Variants in PALLD observed in about 807,000 individuals in gnomAD.
PALLD encodes palladin, cytoskeletal associated protein, also known as palladin.
PALLD carries 61 observed loss-of-function variants against 123.5 expected under a neutral mutation model. The ratio of observed to expected loss-of-function variants is 0.49; its 90% CI spans 0.40 to 0.61. PALLD has a LOEUF of 0.61. Among genes scored for constraint, PALLD ranks in the 20% least tolerant of loss-of-function variants. The pLI is 0.00. For synonymous variants in PALLD, 465 were observed against 496.4 expected (o/e 0.94, Z 0.84); for missense variants, 1,273 against 1,377.0 (o/e 0.92, Z 1.20).
chr4:168,771,062 C>CAA (rs762596273), intron 10 of PALLD, among the ~76,000 whole-genome samples: 9 of 55,226 alleles, frequency 1.6e-4, no homozygotes, highest in African/African-American at 5.3e-4. Context: ...GACTCCATCT[C>CAA]AAAAAAAAAA....
chr4:168,647,932 T>A (rs1777639182), intron 2 of PALLD: 1 of 152,164 alleles, frequency 6.6e-6, no homozygotes, highest in African/African-American at 2.4e-5. Context: ...AACATTTTTT[T>A]AAAGAATTAA....
At chr4:168,532,069 T>A (rs1412180723) in intron 2 of PALLD, among the ~76,000 whole-genome samples, 1 of 152,206 alleles carries the variant, frequency 6.6e-6, no homozygotes, top group East Asian at 1.9e-4. Context: ...TTATTTTTCC[T>A]GATCCTCTGC....
chr4:168,678,432 C>T (rs1781088003), intron 3 of PALLD, among the ~76,000 whole-genome samples: 2 of 152,078 alleles, frequency 1.3e-5, no homozygotes, highest in Admixed American at 6.6e-5. Flanking sequence ...TTCTAGGTGA[C>T]GTGAGTGCTG....
At chr4:168,694,353 T>C (rs533517444) in intron 8 of PALLD, among the ~76,000 whole-genome samples, 1 of 152,244 alleles carries the variant, frequency 6.6e-6, no homozygotes, top group South Asian at 2.1e-4. Flanking sequence ...CAGGAAAACA[T>C]TTAAGCATTC....
intron 2 of PALLD, among the ~76,000 whole-genome samples, chr4:168,552,778 C>T (rs944902153): frequency 2.0e-5 from 3 of 152,030 alleles, no homozygotes; most frequent in South Asian, 2.1e-4. Context: ...CGGGCTCATG[C>T]GATTGTCCTG....
intron 10 of PALLD, among the ~76,000 whole-genome samples, chr4:168,757,156 T>C (rs563251454): frequency 1.3e-5 from 2 of 152,252 alleles, no homozygotes; most frequent in Admixed American, 6.5e-5. Context: ...GTAGACACCA[T>C]GAAATACAAA....
At chr4:168,645,254 G>C (rs1043118096) in intron 2 of PALLD, among the ~76,000 whole-genome samples, 1 of 152,098 alleles carries the variant, frequency 6.6e-6, no homozygotes, top group Non-Finnish European at 1.5e-5. Flanking sequence ...TTGTTGTAAA[G>C]ATTAAATGAG....
intron 10 of PALLD, among the ~76,000 whole-genome samples, chr4:168,713,916 A>T (rs1245175938): frequency 3.0e-5 from 4 of 132,564 alleles, no homozygotes; most frequent in African/African-American, 8.5e-5. Context: ...TAGAAACAAC[A>T]TTTACTTGTA....
At chr4:168,545,315 T>A (rs896637002) in intron 2 of PALLD, among the ~76,000 whole-genome samples, 2 of 151,940 alleles carry the variant, frequency 1.3e-5, no homozygotes, top group African/African-American at 4.8e-5. Flanking sequence ...TTACCTGAGG[T>A]CAGGAGTTCA....
At chr4:168,525,731 A>C (rs1763984482) in intron 2 of PALLD, among the ~76,000 whole-genome samples, 1 of 152,242 alleles carries the variant, frequency 6.6e-6, no homozygotes, top group East Asian at 1.9e-4. Flanking sequence ...AGTTTAAACA[A>C]GATATTCCAC....
At chr4:168,735,169 C>T (rs1161658607) in intron 10 of PALLD, among the ~76,000 whole-genome samples, 1 of 152,140 alleles carries the variant, frequency 6.6e-6, no homozygotes, top group Admixed American at 6.5e-5. Flanking sequence ...ACAATCAGCA[C>T]GGCCACTGAG....
intron 21 of PALLD, among the ~76,000 whole-genome samples, chr4:168,925,900 G>A (rs558713624): frequency 9.9e-5 from 15 of 152,002 alleles, no homozygotes; most frequent in Non-Finnish European, 2.1e-4. Context: ...AAAAGGAGAG[G>A]GGGGATGAGA....
chr4:168,500,569 TCTAA>T (rs1329763577), intron 1 of PALLD, among the ~76,000 whole-genome samples: 1 of 152,074 alleles, frequency 6.6e-6, no homozygotes, highest in Non-Finnish European at 1.5e-5. Flanking sequence ...AGAGATGAAA[TCTAA>T]CTATGTTGCC....
chr4:168,765,505 T>C (rs980794593), intron 10 of PALLD, among the ~76,000 whole-genome samples: 5 of 152,234 alleles, frequency 3.3e-5, no homozygotes, highest in East Asian at 3.9e-4. Context: ...CAAGGTGATA[T>C]TACATCCCAC....
At chr4:168,832,479 C>T (rs776026926) in intron 10 of PALLD, among the ~76,000 whole-genome samples, 56 of 152,204 alleles carry the variant, frequency 3.7e-4, no homozygotes, top group Non-Finnish European at 7.2e-4. Context: ...GCTCTCCTAA[C>T]TCTTCTCTGA....
At chr4:168,738,469 C>T (rs1168578154) in intron 10 of PALLD, among the ~76,000 whole-genome samples, 1 of 151,664 alleles carries the variant, frequency 6.6e-6, no homozygotes, top group Non-Finnish European at 1.5e-5. Context: ...CTCACTCTGT[C>T]ACCCAGGCTG....
intron 3 of PALLD, among the ~76,000 whole-genome samples, chr4:168,671,604 C>G (rs965715470): frequency 6.6e-6 from 1 of 152,148 alleles, no homozygotes; most frequent in Non-Finnish European, 1.5e-5. Context: ...AAAACTGGCT[C>G]CTTGGCCTTG....
chr4:168,811,950 T>C (rs1236576239), intron 10 of PALLD, among the ~76,000 whole-genome samples: 6 of 152,162 alleles, frequency 3.9e-5, no homozygotes, highest in Admixed American at 3.3e-4. Flanking sequence ...CTCGCCTGTT[T>C]CCTGAAGGTC....
intron 3 of PALLD, among the ~76,000 whole-genome samples, chr4:168,679,037 G>A (rs1444969462): frequency 4.1e-5 from 6 of 146,626 alleles, no homozygotes; most frequent in Admixed American, 1.4e-4. Flanking sequence ...TGGTGTGTGT[G>A]TGTGGTGTGG....
Sources: allele counts gnomAD v4.1 joint callset (sites outside exome capture counted in the v4.1 genomes callset), GRCh38; gene constraint gnomAD v4.1.1; transcripts MANE v1.5; gene names NCBI Gene and HGNC (gene_info 2026-07-23, HGNC 2026-07-21).